The following MAPRE3 variants were observed in gnomAD, a reference collection of about 807,000 sequenced individuals.
The protein encoded by MAPRE3 is microtubule associated protein RP/EB family member 3.
In MAPRE3, 2 loss-of-function variants were observed where a neutral mutation model predicts 30.5. The ratio of observed to expected loss-of-function variants is 0.07; its 90% CI spans 0.03 to 0.21. MAPRE3 has a LOEUF of 0.21. Among genes scored for constraint, MAPRE3 ranks in the 10% least tolerant of loss-of-function variants. The pLI is 1.00. For synonymous variants in MAPRE3, 110 were observed against 127.7 expected (o/e 0.86, Z 0.93); for missense variants, 204 against 351.8 (o/e 0.58, Z 3.36).
intron 1 of MAPRE3, chr2:26,984,725 T>C (rs1395957775): frequency 6.6e-6 from 1 of 152,286 alleles, no homozygotes; most frequent in Non-Finnish European, 1.5e-5. Flanking sequence ...TTCACTGTGG[T>C]GAACATATTA....
At chr2:26,991,177 C>T (rs557074634) in intron 1 of MAPRE3, among the ~76,000 whole-genome samples, 1 of 152,218 alleles carries the variant, frequency 6.6e-6, no homozygotes, top group African/African-American at 2.4e-5. Context: ...TGGTGTGAAC[C>T]GGGAAGGCAG....
chr2:26,973,716 C>T (rs367631910), intron 1 of MAPRE3, among the ~76,000 whole-genome samples: 17 of 151,868 alleles, frequency 1.1e-4, no homozygotes, highest in East Asian at 7.8e-4. Context: ...CCACCGCGCC[C>T]GGCTAATTTT....
rs1667251587 is a variant in MAPRE3, at chr2:27,026,625, G to A, written c.*277G>A. On this transcript the variant is annotated 3_prime_UTR_variant, in exon 7 of 7. Transcript: ENST00000233121. ...TGTGTCGCCCAACACTTCCCAGGGT[G>A]CTGCTGCCACCCGCCCCAGCCAGCC... is the stretch of plus-strand genomic sequence containing the variant. The A allele has an allele frequency of 5.2e-6, 2 of 386,716 alleles. No homozygotes were observed. The highest frequency in any genetic ancestry group is 6.7e-5 in the South Asian group (1 of 14,960). The allele number at this position is 386,716 out of a possible 1,614,324, so 24.0% of individuals were successfully genotyped here.
intron 4 of MAPRE3, among the ~76,000 whole-genome samples, 158 bp from the exon 5 acceptor site, chr2:27,025,425 G>A (rs917159656): frequency 5.3e-5 from 8 of 152,164 alleles, no homozygotes; most frequent in Admixed American, 1.3e-4. Flanking sequence ...GCCAAGACTC[G>A]GGGCCTAGCT....
At position 27,025,634 on chromosome 2, in the gene MAPRE3, G is replaced by A. The variant is rs752718112; in HGVS notation, c.521G>A (p.Arg174Gln). 33 of 1,606,270 alleles carry A rather than the reference G, an allele frequency of 2.1e-5. No homozygotes were observed. The highest frequency in any genetic ancestry group is 3.4e-5 in the Admixed American group (2 of 59,296). ...TGPKNMQTSG[R>Q]LSNVAPPCIL... ...CCAAAAAACATGCAGACCTCTGGCCGGCTGAGCAATGTGGCCCCCCCCTGC... is the reference window on the plus strand; with the variant it reads ...CCAAAAAACATGCAGACCTCTGGCCAGCTGAGCAATGTGGCCCCCCCCTGC... The change falls in exon 5 of 7, where the codon CGG becomes CAG. Residue 174 changes from arginine (R) to glutamine (Q), a missense_variant. Around this residue, in one of 5 missense-constraint regions of MAPRE3, gnomAD observed 32 missense variants for 20.7 expected, o/e 1.55. Coordinates refer to ENST00000233121, the MANE Select transcript of MAPRE3 (RefSeq NM_012326.4).
intron 1 of MAPRE3, among the ~76,000 whole-genome samples, chr2:27,005,019 A>C (rs1427809515): frequency 6.6e-6 from 1 of 152,198 alleles, no homozygotes; most frequent in Non-Finnish European, 1.5e-5. Flanking sequence ...TTCTCTTTCA[A>C]TCAACACACT....
chr2:26,986,732 C>T lies in MAPRE3; in HGVS notation c.-8+15930C>T, dbSNP rs553278633. On this transcript the variant is annotated intron_variant, in intron 1 of 6. Transcript: ENST00000233121. This position sits in a 1 kb window ranked among gnomAD's most constrained non-coding sequence, Gnocchi z 4.2. ...GGCCAGTAAGGGTATTCCGTGCAGCCATCAATCATAGCACTGGTGCCTGTG... is the reference window on the plus strand; with the variant it reads ...GGCCAGTAAGGGTATTCCGTGCAGCTATCAATCATAGCACTGGTGCCTGTG... The T allele has an allele frequency of 2.6e-5, 4 of 152,378 alleles. No individual in the cohort carries two copies. Among genetic ancestry groups the T allele is most frequent in the African/African-American group, 9.6e-5 (4 of 41,542 alleles). 9.4% of individuals were successfully genotyped at this position (152,378 alleles called of 1,614,324 possible).
chr2:27,026,355 C>T lies in MAPRE3; in HGVS notation c.*7C>T. 6.2e-7 allele frequency: 1 copy of T among 1,612,132 alleles called. No homozygotes were observed. Among genetic ancestry groups the T allele is most frequent in the Non-Finnish European group, 8.5e-7 (1 of 1,178,838 alleles). ...AGACCAGGACGAGTACTGAGGGCGG[C>T]CGCAGCCCTGGCTGACTGCACAGCT... On this transcript the variant is annotated 3_prime_UTR_variant, in exon 7 of 7. Coordinates refer to ENST00000233121, the MANE Select transcript of MAPRE3 (RefSeq NM_012326.4).
chr2:26,997,143 C>A (rs1026472471), intron 1 of MAPRE3, among the ~76,000 whole-genome samples: 1 of 152,022 alleles, frequency 6.6e-6, no homozygotes. Flanking sequence ...AGTCCCCAAC[C>A]TTTTTGGCAC....
At chr2:26,998,153 G>A (rs937549706) in intron 1 of MAPRE3, among the ~76,000 whole-genome samples, 2 of 152,226 alleles carry the variant, frequency 1.3e-5, no homozygotes, top group Admixed American at 1.3e-4. Flanking sequence ...TACAAACGCT[G>A]TGGTCACAGA....
At chr2:27,010,534 C>T (rs1400104607) in intron 1 of MAPRE3, among the ~76,000 whole-genome samples, 1 of 150,124 alleles carries the variant, frequency 6.7e-6, no homozygotes, top group African/African-American at 2.5e-5. Flanking sequence ...CCTCCACCTC[C>T]CGGGTTCAAG....
At chr2:26,989,727 C>T (rs896320400) in intron 1 of MAPRE3, among the ~76,000 whole-genome samples, 2 of 152,156 alleles carry the variant, frequency 1.3e-5, no homozygotes, top group African/African-American at 4.8e-5. Flanking sequence ...GGAGACTCTC[C>T]GGACTTCGTT....
chr2:27,016,542 G>A (rs1053419013), intron 1 of MAPRE3, among the ~76,000 whole-genome samples: 1 of 152,116 alleles, frequency 6.6e-6, no homozygotes, highest in East Asian at 1.9e-4. Context: ...CCGCCACTGT[G>A]CCCGGCTAAT....
intron 1 of MAPRE3, among the ~76,000 whole-genome samples, chr2:26,988,002 T>A (rs1666256453): frequency 6.6e-6 from 1 of 152,236 alleles, no homozygotes. Context: ...TTGCTCTAGT[T>A]TAAAGCATGA....
In MAPRE3 at chr2:27,017,441, C is replaced by T. The variant is rs914095831; in HGVS notation, c.-7-4771C>T. 6.6e-5 allele frequency among the ~76,000 whole-genome samples: 10 copies of T among 152,286 alleles called. No individual in the cohort carries two copies. The East Asian group carries it at 1.9e-3, about 29-fold the overall frequency. The stretch of plus-strand genomic sequence containing the variant: ...CAGGCACTGCTGCCACTCATGGGAC[C>T]CTAGAGTCAGACCGAAGGTATGGAA... On this transcript the variant is annotated intron_variant, in intron 1 of 6. Coordinates refer to ENST00000233121, the MANE Select transcript of MAPRE3 (RefSeq NM_012326.4).
chr2:26,994,723 ACT>A (rs1666414949), intron 1 of MAPRE3, among the ~76,000 whole-genome samples: 3 of 150,786 alleles, frequency 2.0e-5, no homozygotes, highest in Non-Finnish European at 4.4e-5. Flanking sequence ...TCTCCAAATC[ACT>A]CTATTTCTCC....
intron 1 of MAPRE3, among the ~76,000 whole-genome samples, chr2:26,990,943 G>A (rs943763875): frequency 2.0e-5 from 3 of 152,156 alleles, no homozygotes; most frequent in Admixed American, 1.3e-4. Flanking sequence ...CAGTGGGTGC[G>A]CACCACGTAC....
chr2:26,987,142 C>T (rs941862221), intron 1 of MAPRE3, among the ~76,000 whole-genome samples: 2 of 152,076 alleles, frequency 1.3e-5, no homozygotes, highest in African/African-American at 2.4e-5. Context: ...ATAAAATTTC[C>T]TCCTTGTATA....
rs140584902 is a variant in MAPRE3, at chr2:27,008,841, G to A, written c.-7-13371G>A. ...TGAGTAGACTGTGGTACATCCATAC[G>A]TGTGCCATTGTTTGGAATACTACTC... On this transcript the variant is annotated intron_variant, in intron 1 of 6. Coordinates refer to ENST00000233121, the MANE Select transcript of MAPRE3 (RefSeq NM_012326.4). Among the ~76,000 whole-genome samples the A allele has an allele frequency of 3.9e-5, 6 of 152,296 alleles. No homozygotes were observed. The East Asian group carries it at 7.7e-4, about 20-fold the overall frequency.
Sources: gnomAD v4.1 joint callset for allele counts (sites outside exome capture counted in the v4.1 genomes callset) on GRCh38, gnomAD v4.1.1 for gene constraint, gnomAD v4.1.1 regional missense constraint, Gnocchi (gnomAD v3.1) non-coding constraint, MANE v1.5 for transcripts, NCBI Gene and HGNC (gene_info 2026-07-23, HGNC 2026-07-21) for gene names.